Variants in NAALADL2 observed in about 807,000 individuals in gnomAD.
NAALADL2 encodes the protein inactive N-acetylated-alpha-linked acidic dipeptidase-like protein 2.
A neutral mutation model predicts 87.2 loss-of-function variants in NAALADL2; 76 were observed. The ratio of observed to expected loss-of-function variants is 0.87; its 90% confidence interval spans 0.72 to 1.05. The LOEUF (loss-of-function observed/expected upper bound fraction) is 1.05. NAALADL2 is among the 50% of genes least tolerant of loss of function. The probability of loss-of-function intolerance (pLI) is 0.00; values close to 1 mark genes in which losing one functional copy is unlikely to be tolerated. For synonymous variants in NAALADL2, 354 were observed against 331.0 expected, an observed-to-expected ratio of 1.07 and a Z score of -0.75; for missense variants, 1,089 against 945.8, an observed-to-expected ratio of 1.15 and a Z score of -1.99.
chr3:175,097,160 T>G lies in NAALADL2; in HGVS notation c.414T>G (p.Phe138Leu). The change falls in exon 2 of 14, where the codon TTT becomes TTG. Residue 138 changes from phenylalanine to leucine, a missense_variant. Transcript: ENST00000454872. ...GCACAGCCACCATTTTATTTATTTTTGGGATTTTGATAGGTTATTATGTAC... is the reference window on the plus strand; with the variant it reads ...GCACAGCCACCATTTTATTTATTTTGGGGATTTTGATAGGTTATTATGTAC... Reference protein sequence around the residue: ...ILCTATILFIFGILIGYYVHT... With the variant: ...ILCTATILFILGILIGYYVHT... The G allele has an allele frequency of 6.2e-7, 1 of 1,613,854 alleles. No homozygotes were observed. The highest frequency in any genetic ancestry group is 8.5e-7 in the Non-Finnish European group (1 of 1,179,748).
chr3:175,007,537 G>T (rs1749200472), intron 1 of NAALADL2, among the ~76,000 whole-genome samples: 2 of 152,114 alleles, frequency 1.3e-5, no homozygotes, highest in African/African-American at 4.8e-5. Context: ...TGGGGCTATA[G>T]ATTTAGTATG....
intron 3 of NAALADL2, among the ~76,000 whole-genome samples, chr3:174,749,055 C>A (rs905161085): frequency 1.3e-5 from 2 of 152,102 alleles, no homozygotes; most frequent in Non-Finnish European, 2.9e-5. Flanking sequence ...AGAAAACTTG[C>A]CTGTTTCAGC....
At chr3:175,205,130 A>C (rs1354774503) in intron 2 of NAALADL2, among the ~76,000 whole-genome samples, 3 of 152,182 alleles carry the variant, frequency 2.0e-5, no homozygotes, top group African/African-American at 7.2e-5. Flanking sequence ...GAACCAAAAA[A>C]GTGTCCACAT....
At chr3:174,456,411 C>CAAAAAAAAAAAAAAAAAA (rs59833697) in intron 1 of NAALADL2, among the ~76,000 whole-genome samples, 1 of 56,394 alleles carries the variant, frequency 1.8e-5, no homozygotes. Flanking sequence ...CAATCCTAAG[C>CAAAAAAAAAAAAAAAAAA]AAAAAAAAAA....
chr3:174,607,335 A>G (rs1258223152), intron 2 of NAALADL2, among the ~76,000 whole-genome samples: 3 of 151,860 alleles, frequency 2.0e-5, no homozygotes, highest in Admixed American at 2.0e-4. Flanking sequence ...TTAAATGTAA[A>G]TGGACTAAAT....
chr3:175,005,121 C>T (rs1748839087), intron 1 of NAALADL2, among the ~76,000 whole-genome samples: 1 of 152,122 alleles, frequency 6.6e-6, no homozygotes, highest in Non-Finnish European at 1.5e-5. Flanking sequence ...TCTATGTTTT[C>T]ACTATATGCC....
At chr3:175,393,548 T>C (rs1323517936) in intron 5 of NAALADL2, among the ~76,000 whole-genome samples, 1 of 152,092 alleles carries the variant, frequency 6.6e-6, no homozygotes, top group Non-Finnish European at 1.5e-5. Flanking sequence ...TTTTCTAAGA[T>C]TCATCAGTTG....
chr3:175,695,075 A>G (rs1241784318), intron 11 of NAALADL2, among the ~76,000 whole-genome samples: 1 of 152,074 alleles, frequency 6.6e-6, no homozygotes, highest in Non-Finnish European at 1.5e-5. Context: ...GTGCTTGAAA[A>G]AAAAAAAACA....
intron 3 of NAALADL2, among the ~76,000 whole-genome samples, chr3:175,243,457 C>T (rs1472346727): frequency 6.6e-6 from 1 of 151,052 alleles, no homozygotes; most frequent in East Asian, 1.9e-4. Flanking sequence ...GAAACAGTGC[C>T]CTGTTGGTCA....
At chr3:174,732,694 A>G (rs1195554060) in intron 2 of NAALADL2, among the ~76,000 whole-genome samples, 1 of 152,166 alleles carries the variant, frequency 6.6e-6, no homozygotes. Context: ...TATGTGATTC[A>G]AAACAGGGAA....
chr3:175,137,766 G>GTTTGT (rs1553787019), intron 2 of NAALADL2, among the ~76,000 whole-genome samples: 12 of 151,034 alleles, frequency 7.9e-5, no homozygotes, highest in African/African-American at 2.4e-4. Flanking sequence ...ACCCAGCTAA[G>GTTTGT]TTTGTTTTGT....
rs557602191 is a variant in NAALADL2, at chr3:175,439,739, T to C, written c.1091-7490T>C. ...GTTTGTGGTTTTTTTTTCTTTTTTTTCTTTTTTTGATGATTTGTTTGAGTT... is the reference window on the plus strand; with the variant it reads ...GTTTGTGGTTTTTTTTTCTTTTTTTCCTTTTTTTGATGATTTGTTTGAGTT... On this transcript the variant is annotated intron_variant, in intron 5 of 13. Coordinates refer to ENST00000454872, the MANE Select transcript of NAALADL2 (RefSeq NM_207015.3). Among the ~76,000 whole-genome samples, 62 of 146,122 alleles carry C rather than the reference T, an allele frequency of 4.2e-4. 1 individual carries two copies. Among genetic ancestry groups the C allele is most frequent in the African/African-American group, 1.5e-3 (58 of 39,778 alleles).
In NAALADL2 at chr3:175,324,245, C is replaced by G. The variant is rs200244455; in HGVS notation, c.1010C>G (p.Thr337Ser). The change falls in exon 5 of 14, where the codon ACT becomes AGT. Residue 337 changes from threonine to serine, a missense_variant. Transcript: ENST00000454872. Reference protein sequence around the residue: ...LYIDPCDLPKTVNPSHDTFMV... With the variant: ...LYIDPCDLPKSVNPSHDTFMV... ...ATCGATCCTTGTGATTTGCCAAAGACTGTGAATCCTAGCCATGATACCTTC... is the reference window on the plus strand; with the variant it reads ...ATCGATCCTTGTGATTTGCCAAAGAGTGTGAATCCTAGCCATGATACCTTC... 4 of 1,613,480 alleles carry G rather than the reference C, an allele frequency of 2.5e-6. No homozygotes were observed. The African/African-American group carries it at 5.3e-5, about 22-fold the overall frequency.
At chr3:174,969,918 T>C (rs1215382562) in intron 1 of NAALADL2, among the ~76,000 whole-genome samples, 3 of 152,186 alleles carry the variant, frequency 2.0e-5, no homozygotes. Flanking sequence ...GAAAAGTACA[T>C]AATTGAAATC....
intron 2 of NAALADL2, among the ~76,000 whole-genome samples, chr3:175,205,778 T>A (rs1004679786): frequency 6.6e-6 from 1 of 151,082 alleles, no homozygotes; most frequent in Non-Finnish European, 1.5e-5. Context: ...CATCAAAAAG[T>A]GGGCCAAGGA....
intron 2 of NAALADL2, among the ~76,000 whole-genome samples, chr3:175,217,011 A>G (rs966744072): frequency 6.6e-6 from 1 of 152,186 alleles, no homozygotes; most frequent in African/African-American, 2.4e-5. Context: ...GGGAACACCC[A>G]ATGTAATTTG....
At chr3:174,496,589 C>T (rs556437990) in intron 1 of NAALADL2, among the ~76,000 whole-genome samples, 1 of 150,590 alleles carries the variant, frequency 6.6e-6, no homozygotes, top group South Asian at 2.1e-4. Flanking sequence ...CTGTTTAGTA[C>T]TCAAGGGGTT....
chr3:174,715,882 T>A (rs1039077609), intron 2 of NAALADL2, among the ~76,000 whole-genome samples: 2 of 152,134 alleles, frequency 1.3e-5, no homozygotes, highest in Non-Finnish European at 2.9e-5. Flanking sequence ...AGTTCTAGGA[T>A]TATCTGCAAT....
intron 5 of NAALADL2, among the ~76,000 whole-genome samples, chr3:175,377,227 G>T (rs569052484): frequency 6.6e-6 from 1 of 152,116 alleles, no homozygotes; most frequent in Non-Finnish European, 1.5e-5. Context: ...CTCGAGAATC[G>T]AATGAACCCA....
Sources: gnomAD v4.1 joint callset for allele counts (sites outside exome capture counted in the v4.1 genomes callset) on GRCh38, gnomAD v4.1.1 for gene constraint, MANE v1.5 for transcripts, NCBI Gene and HGNC (gene_info 2026-07-23, HGNC 2026-07-21) for gene names.